The following NRXN3 variants were observed in gnomAD, a reference collection of about 807,000 sequenced individuals.
The protein encoded by NRXN3 is neurexin 3.
A neutral mutation model predicts 137.6 loss-of-function variants in NRXN3; 32 were observed. The ratio of observed to expected loss-of-function variants is 0.23; its 90% CI spans 0.18 to 0.31. NRXN3 has a LOEUF of 0.31. NRXN3 is among the 10% of genes least tolerant of loss of function. The pLI, the probability that NRXN3 is intolerant of heterozygous loss-of-function variation, is 1.00. For missense variants in NRXN3, 1,574 were observed against 2,062.5 expected (o/e 0.76, Z 4.59); for synonymous variants, 798 against 784.5 (o/e 1.02, Z -0.29).
intron 16 of NRXN3, among the ~76,000 whole-genome samples, chr14:79,569,859 T>G (rs890703414): frequency 6.6e-6 from 1 of 152,110 alleles, no homozygotes; most frequent in Non-Finnish European, 1.5e-5. Context: ...TCCGCCCACC[T>G]CAGCATCCCA....
intron 16 of NRXN3, among the ~76,000 whole-genome samples, chr14:79,627,074 T>A (rs941599406): frequency 6.6e-6 from 1 of 152,152 alleles, no homozygotes; most frequent in African/African-American, 2.4e-5. Context: ...TAAAAGCACC[T>A]CTCCCTTGGT....
intron 2 of NRXN3, among the ~76,000 whole-genome samples, chr14:78,276,245 G>A (rs146231686): frequency 5.5e-4 from 84 of 152,264 alleles, no homozygotes; most frequent in African/African-American, 1.9e-3. Flanking sequence ...AAAGAAATAA[G>A]GATGGAATTT....
At chr14:78,893,531 G>A (rs1237480668) in intron 10 of NRXN3, among the ~76,000 whole-genome samples, 1 of 151,882 alleles carries the variant, frequency 6.6e-6, no homozygotes, top group Non-Finnish European at 1.5e-5. Flanking sequence ...CAGAAGTACT[G>A]ATAATCATTT....
At chr14:78,814,592 C>T (rs749060412) in intron 10 of NRXN3, among the ~76,000 whole-genome samples, 26 of 152,042 alleles carry the variant, frequency 1.7e-4, no homozygotes, top group South Asian at 6.2e-4. Flanking sequence ...TCCAGCCTGG[C>T]GACTGAGCGA....
rs368167958 is a variant in NRXN3 at position 78,745,249 on chromosome 14, T to G, written c.2044+30110T>G. 4 of 152,382 alleles carry G rather than the reference T, an allele frequency of 2.6e-5. No individual in the cohort carries two copies. In the South Asian group the frequency reaches 8.3e-4, roughly 32 times the overall value. 9.4% of individuals were successfully genotyped at this position (152,382 alleles called of 1,614,324 possible). ...TTCCTCAGCTGTGATAGCTTTTTCC[T>G]GCTGTCCAGTCTTCATGTGGAGCCT... is the stretch of plus-strand genomic sequence containing the variant. On this transcript the variant is annotated intron_variant, in intron 8 of 20. Coordinates refer to ENST00000335750, the MANE Select transcript of NRXN3 (RefSeq NM_001330195.2).
At chr14:79,529,404 G>A (rs566736996) in intron 16 of NRXN3, among the ~76,000 whole-genome samples, 1 of 152,310 alleles carries the variant, frequency 6.6e-6, no homozygotes, top group African/African-American at 2.4e-5. Flanking sequence ...CCTGGTTTCG[G>A]GCCTGGCGCC....
intron 6 of NRXN3, among the ~76,000 whole-genome samples, chr14:78,674,988 T>C (rs114353986): frequency 0.012 from 1,768 of 152,230 alleles, 30 homozygotes; most frequent in African/African-American, 0.04. Context: ...ATGAAGACAG[T>C]GATGAGTTCT....
At chr14:79,014,044 A>G (rs553493582) in intron 15 of NRXN3, among the ~76,000 whole-genome samples, 2 of 152,340 alleles carry the variant, frequency 1.3e-5, no homozygotes, top group East Asian at 1.9e-4. Flanking sequence ...TGGCACCATC[A>G]TTCACTAAAG....
intron 4 of NRXN3, among the ~76,000 whole-genome samples, chr14:78,545,594 G>A (rs1210724742): frequency 1.3e-5 from 2 of 151,996 alleles, no homozygotes; most frequent in Non-Finnish European, 2.9e-5. Context: ...TACTTATTTT[G>A]CATCTTGATT....
intron 15 of NRXN3, among the ~76,000 whole-genome samples, chr14:79,358,341 C>CG (rs1485746112): frequency 2.6e-5 from 4 of 151,464 alleles, no homozygotes; most frequent in Admixed American, 2.6e-4. Context: ...GAGGCAGAGG[C>CG]GAGCCGATCA....
At chr14:79,571,858 T>G (rs1032040047) in intron 16 of NRXN3, among the ~76,000 whole-genome samples, 1 of 152,176 alleles carries the variant, frequency 6.6e-6, no homozygotes, top group Non-Finnish European at 1.5e-5. Context: ...AAATGTCTTA[T>G]AACCCTTCTG....
At chr14:78,631,770 T>C (rs2097524943) in intron 4 of NRXN3, among the ~76,000 whole-genome samples, 1 of 152,098 alleles carries the variant, frequency 6.6e-6, no homozygotes, top group Non-Finnish European at 1.5e-5. Flanking sequence ...GATGGGGTTG[T>C]TGGGGTGTTG....
intron 10 of NRXN3, among the ~76,000 whole-genome samples, chr14:78,829,884 G>A (rs2098976964): frequency 6.6e-6 from 1 of 152,106 alleles, no homozygotes; most frequent in African/African-American, 2.4e-5. Flanking sequence ...GTTAATTAGA[G>A]TGTCTTGCCT....
chr14:79,749,703 C>A (rs1412936270), intron 19 of NRXN3, among the ~76,000 whole-genome samples: 1 of 152,098 alleles, frequency 6.6e-6, no homozygotes, highest in Non-Finnish European at 1.5e-5. Flanking sequence ...CACCCCTCAC[C>A]ACATTGAGGT....
chr14:78,874,966 G>A (rs1000393754), intron 10 of NRXN3, among the ~76,000 whole-genome samples: 19 of 152,292 alleles, frequency 1.2e-4, no homozygotes, highest in African/African-American at 4.3e-4. Context: ...ACTTTAGAGA[G>A]GACAGACTTG....
In NRXN3 at chr14:78,302,521, G is replaced by A. The variant is rs189047868; in HGVS notation, c.757+4661G>A. Among the ~76,000 whole-genome samples the A allele has an allele frequency of 2.3e-4, 35 of 152,158 alleles. No individual in the cohort carries two copies. The East Asian group carries it at 3.9e-3, about 17-fold the overall frequency. On this transcript the variant is annotated intron_variant, in intron 4 of 20. Coordinates refer to ENST00000335750, the MANE Select transcript of NRXN3 (RefSeq NM_001330195.2). The stretch of plus-strand genomic sequence containing the variant: ...ACCCCTACTCTATACTGTCTTTCCC[G>A]GATACAAGGGTGACCTCCACGTTTA...
intron 20 of NRXN3, among the ~76,000 whole-genome samples, chr14:79,835,351 A>C (rs2099337476): frequency 6.6e-6 from 1 of 152,166 alleles, no homozygotes; most frequent in South Asian, 2.1e-4. Flanking sequence ...ATCCTGTCCT[A>C]TGCAGCTGTC....
At chr14:79,573,590 G>C (rs2097634392) in intron 16 of NRXN3, among the ~76,000 whole-genome samples, 1 of 152,166 alleles carries the variant, frequency 6.6e-6, no homozygotes. Context: ...CTCAGTGGTT[G>C]CCTCAAGGGC....
intron 2 of NRXN3, among the ~76,000 whole-genome samples, chr14:78,249,038 A>T (rs1312658789): frequency 2.0e-5 from 3 of 152,232 alleles, no homozygotes; most frequent in Non-Finnish European, 4.4e-5. Flanking sequence ...ATGGCAGAGC[A>T]GCCGCCTGCC....
Sources: gnomAD v4.1 joint callset for allele counts (sites outside exome capture counted in the v4.1 genomes callset) on GRCh38, gnomAD v4.1.1 for gene constraint, MANE v1.5 for transcripts, NCBI Gene and HGNC (gene_info 2026-07-23, HGNC 2026-07-21) for gene names.